The following MYO3B variants were observed in gnomAD, a reference collection of about 807,000 sequenced individuals.
The protein encoded by MYO3B is myosin-IIIb.
In MYO3B, 156 loss-of-function variants were observed where a neutral mutation model predicts 174.6. The ratio of observed to expected loss-of-function variants is 0.89; its 90% confidence interval spans 0.78 to 1.02. The LOEUF (loss-of-function observed/expected upper bound fraction) is 1.02. Ranked by LOEUF, MYO3B falls within the 50% of genes least tolerant of loss-of-function variation. The probability of loss-of-function intolerance (pLI) is 0.00; values close to 1 mark genes in which losing one functional copy is unlikely to be tolerated. For synonymous variants in MYO3B, 563 were observed against 569.1 expected (o/e 0.99, Z 0.15); for missense variants, 1,632 against 1,639.4 (o/e 1.00, Z 0.08).
intron 25 of MYO3B, among the ~76,000 whole-genome samples, chr2:170,485,441 A>C (rs1685987920): frequency 6.6e-6 from 1 of 151,448 alleles, no homozygotes; most frequent in African/African-American, 2.4e-5. Context: ...AGAGAGAGAG[A>C]GAGCGAGTGA....
chr2:170,382,960 C>T, intron 10 of MYO3B, 113 bp from the exon 11 acceptor site: 1 of 708,250 alleles, frequency 1.4e-6, no homozygotes. Context: ...AAATGGACTA[C>T]TTTCATCGTT....
At chr2:170,512,479 A>T (rs1347069728) in intron 28 of MYO3B, among the ~76,000 whole-genome samples, 3 of 152,142 alleles carry the variant, frequency 2.0e-5, no homozygotes, top group Admixed American at 2.0e-4. Flanking sequence ...TCTCTGCCAG[A>T]TACAGTGGGT....
chr2:170,267,410 A>G (rs923406669), intron 7 of MYO3B, among the ~76,000 whole-genome samples: 1 of 152,198 alleles, frequency 6.6e-6, no homozygotes, highest in Non-Finnish European at 1.5e-5. Context: ...AATATAATCT[A>G]GTTTTGTGTG....
intron 25 of MYO3B, among the ~76,000 whole-genome samples, chr2:170,485,275 A>G (rs1685964592): frequency 6.6e-6 from 1 of 152,078 alleles, no homozygotes; most frequent in Non-Finnish European, 1.5e-5. Context: ...AAAATTTTTA[A>G]GTATCACATA....
chr2:170,577,433 A>G (rs1437942143), intron 32 of MYO3B, among the ~76,000 whole-genome samples: 1 of 152,214 alleles, frequency 6.6e-6, no homozygotes, highest in Non-Finnish European at 1.5e-5. Flanking sequence ...ACAGGTAGCT[A>G]TAAACCAGCT....
intron 8 of MYO3B, among the ~76,000 whole-genome samples, chr2:170,354,364 A>G (rs920684365): frequency 3.3e-5 from 5 of 152,142 alleles, no homozygotes; most frequent in African/African-American, 1.2e-4. Context: ...AGATCCTTTG[A>G]TGTCACTGAT....
chr2:170,462,001 G>C (rs1049614782), intron 23 of MYO3B, among the ~76,000 whole-genome samples: 16 of 152,214 alleles, frequency 1.1e-4, no homozygotes, highest in Admixed American at 1.3e-4. Context: ...CTCAAATGGG[G>C]GTGAGAAAGG....
At chr2:170,300,671 C>A (rs1461572224) in intron 7 of MYO3B, among the ~76,000 whole-genome samples, 1 of 152,148 alleles carries the variant, frequency 6.6e-6, no homozygotes, top group Non-Finnish European at 1.5e-5. Context: ...TAGGAAACAA[C>A]AACAGTATCC....
chr2:170,345,839 A>G (rs1304001802), intron 8 of MYO3B, among the ~76,000 whole-genome samples: 4 of 151,286 alleles, frequency 2.6e-5, no homozygotes, highest in Non-Finnish European at 5.9e-5. Flanking sequence ...ACAGACAAAC[A>G]GATAAGATCA....
At chr2:170,435,001 T>C (rs2094741338) in intron 22 of MYO3B, among the ~76,000 whole-genome samples, 1 of 152,256 alleles carries the variant, frequency 6.6e-6, no homozygotes, top group South Asian at 2.1e-4. Context: ...AACTATGTAC[T>C]GAATTTAACT....
At chr2:170,580,641 A>G (rs1693073330) in intron 32 of MYO3B, among the ~76,000 whole-genome samples, 1 of 152,170 alleles carries the variant, frequency 6.6e-6, no homozygotes, top group Non-Finnish European at 1.5e-5. Context: ...CGTCTCAAAA[A>G]CAAAAACAAA....
chr2:170,266,430 A>G (rs921953160), intron 7 of MYO3B, among the ~76,000 whole-genome samples: 22 of 152,166 alleles, frequency 1.4e-4, no homozygotes, highest in African/African-American at 5.3e-4. Flanking sequence ...GGCTAATTAC[A>G]TTTTTGTAGG....
At chr2:170,346,161 G>A (rs2094014255) in intron 8 of MYO3B, 2 of 152,196 alleles carry the variant, frequency 1.3e-5, no homozygotes, top group South Asian at 4.1e-4. Context: ...CCATCTACCA[G>A]TGAGGATCAA....
chr2:170,601,733 C>T lies in MYO3B; in HGVS notation c.3734-49895C>T, dbSNP rs951187959. The T allele has an allele frequency of 2.1e-5, 32 of 1,530,942 alleles. No homozygotes were observed. The African/African-American group carries it at 3.4e-4, about 16-fold the overall frequency. The allele number at this position is 1,530,942 out of a possible 1,614,324, so 94.8% of individuals were successfully genotyped here. ...CCCTTTTTTGCTGCATCAGGCTTTC[C>T]TTTAGCTCGATATGTAGCTGTATCC... On this transcript the variant is annotated intron_variant, in intron 32 of 34. Transcript: ENST00000408978.
chr2:170,433,233 G>A (rs1006182402), intron 22 of MYO3B, among the ~76,000 whole-genome samples: 19 of 152,040 alleles, frequency 1.2e-4, no homozygotes, highest in African/African-American at 4.3e-4. Flanking sequence ...AGAAGAAATA[G>A]CATAGCCCAG....
chr2:170,494,975 G>T (rs1686764597), intron 25 of MYO3B, among the ~76,000 whole-genome samples: 1 of 152,082 alleles, frequency 6.6e-6, no homozygotes, highest in Non-Finnish European at 1.5e-5. Context: ...AGAGGTGAGT[G>T]ACTCACCCAC....
In MYO3B at chr2:170,542,805, A is replaced by AAG. The variant is rs1690203137; in HGVS notation, c.3576-100_3576-99dup. 3.3e-6 allele frequency: 3 copies of AAG among 904,370 alleles called. No homozygotes were observed. In the East Asian group the frequency reaches 8.2e-5, roughly 25 times the overall value. 56.0% of individuals were successfully genotyped at this position (904,370 alleles called of 1,614,324 possible). On this transcript the variant is annotated intron_variant, in intron 30 of 34. Coordinates refer to ENST00000408978, the MANE Select transcript of MYO3B (RefSeq NM_138995.5). ...AAATGGGAAACCATGGAAGCATAAA[A>AAG]AGTATGTTTTGATATATCTTTGAAG...
At chr2:170,447,218 T>C (rs1035451631) in intron 23 of MYO3B, among the ~76,000 whole-genome samples, 1 of 152,200 alleles carries the variant, frequency 6.6e-6, no homozygotes, top group Non-Finnish European at 1.5e-5. Context: ...CTTGACTCTA[T>C]CAGCTCCAAC....
chr2:170,560,450 A>G (rs1691631786), intron 32 of MYO3B, among the ~76,000 whole-genome samples: 1 of 152,192 alleles, frequency 6.6e-6, no homozygotes, highest in Admixed American at 6.5e-5. Flanking sequence ...CAGCCAGTCT[A>G]CCCAGACACC....
Sources: allele counts gnomAD v4.1 joint callset (sites outside exome capture counted in the v4.1 genomes callset), GRCh38; gene constraint gnomAD v4.1.1; transcripts MANE v1.5; gene names NCBI Gene and HGNC (gene_info 2026-07-23, HGNC 2026-07-21).